ARAP3: variants seen among roughly 807,000 people sequenced by gnomAD.
ARAP3 encodes the protein ArfGAP with RhoGAP domain, ankyrin repeat and PH domain 3.
A neutral mutation model predicts 169.2 loss-of-function variants in ARAP3; 82 were observed. That is an observed-to-expected ratio of 0.48 (90% CI 0.41 to 0.58). ARAP3 has a LOEUF of 0.58. Ranked by LOEUF, ARAP3 falls within the 20% of genes least tolerant of loss-of-function variation. The pLI is 0.00. For synonymous variants in ARAP3, 791 were observed against 800.3 expected (o/e 0.99, Z 0.20); for missense variants, 1,764 against 2,018.0 (o/e 0.87, Z 2.41).
chr5:141,667,899 G>A (rs111636978), intron 16 of ARAP3, among the ~76,000 whole-genome samples: 24,479 of 150,944 alleles, frequency 0.16, 2,122 homozygotes, highest in Admixed American at 0.27. Flanking sequence ...AAAATTAGCC[G>A]GGCGAGGTCA....
At position 141,655,928 on chromosome 5, in the gene ARAP3, A is replaced by G. The variant is rs765829020; in HGVS notation, c.3913T>C (p.Leu1305=). The G allele has an allele frequency of 6.2e-7, 1 of 1,614,022 alleles. No individual in the cohort carries two copies. The highest frequency in any genetic ancestry group is 1.1e-5 in the South Asian group (1 of 91,086). Residue 1305 remains leucine (L), a synonymous_variant, in exon 30 of 33, where the codon TTG becomes CTG. Transcript: ENST00000239440. The part of the protein sequence containing the change: ...TLILEKMHLY[L]SCTDEDEMWD... ...ATTTCATCCTCGTCAGTGCAGGACA[A>G]GTAGCTGGGGTGATCAGAATGGAAT...
chr5:141,679,283 C>T (rs778241707), intron 4 of ARAP3, among the ~76,000 whole-genome samples: 11 of 152,054 alleles, frequency 7.2e-5, no homozygotes, highest in Non-Finnish European at 1.6e-4. Context: ...GGCAAGACTC[C>T]GTCTCAAAAA....
rs1029148823 is a variant in ARAP3 at position 141,666,682 on chromosome 5, G to A, written c.2353-39C>T. Reference sequence around the variant, plus strand: ...GGGAGGACAGGAGAAAGGGGGATGGGGGAAGAGACAAGGAATAGGGGAGAG... The same window carrying A: ...GGGAGGACAGGAGAAAGGGGGATGGAGGAAGAGACAAGGAATAGGGGAGAG... On this transcript the variant is annotated intron_variant, in intron 16 of 32. Coordinates refer to ENST00000239440, the MANE Select transcript of ARAP3 (RefSeq NM_022481.6). 4.4e-6 allele frequency: 5 copies of A among 1,133,456 alleles called. No individual in the cohort carries two copies. In the African/African-American group the frequency reaches 6.4e-5, roughly 15 times the overall value. 70.2% of individuals were successfully genotyped at this position (1,133,456 alleles called of 1,614,324 possible). A position where few individuals can be genotyped will look rare whatever the true frequency, so the allele number is the denominator to read the frequency against.
At position 141,680,260 on chromosome 5, in the gene ARAP3, T is replaced by A; in HGVS notation, c.227A>T (p.Asp76Val). 1.9e-6 allele frequency: 3 copies of A among 1,614,168 alleles called. 1 individual carries two copies. The highest frequency in any genetic ancestry group is 4.5e-5 in the East Asian group (2 of 44,874). ...GCTGGGGGATGGTTCCATGGCACTA[T>A]CTGATTTGGGATCCAGGGAGCCCTC... ...TEEGSLDPKS[D>V]SAMEPSPSPA... The change falls in exon 2 of 33, where the codon GAT (aspartate) becomes GTT (valine). Residue 76 changes from aspartate to valine, a missense_variant. Asp to Val is a radical substitution (Grantham distance 152). Coordinates refer to ENST00000239440, the MANE Select transcript of ARAP3 (RefSeq NM_022481.6).
intron 17 of ARAP3, 148 bp from the exon 18 acceptor site, chr5:141,665,522 C>A: frequency 1.3e-6 from 1 of 755,650 alleles, no homozygotes; most frequent in East Asian, 2.7e-5. Flanking sequence ...ACTATTATTC[C>A]CATTTTATAG....
intron 4 of ARAP3, among the ~76,000 whole-genome samples, chr5:141,674,804 A>C (rs927637140): frequency 6.6e-6 from 1 of 152,190 alleles, no homozygotes; most frequent in Non-Finnish European, 1.5e-5. Context: ...CCCTGGACCA[A>C]GGACCAAGTT....
intron 2 of ARAP3, 33 bp from the exon 3 acceptor site, chr5:141,679,855 G>C: frequency 6.2e-7 from 1 of 1,610,640 alleles, no homozygotes; most frequent in Non-Finnish European, 8.5e-7. Flanking sequence ...TACTTAAGGA[G>C]AGAGGAGGAA....
intron 32 of ARAP3, among the ~76,000 whole-genome samples, chr5:141,654,898 C>G (rs1004023723): frequency 1.3e-5 from 2 of 151,998 alleles, no homozygotes; most frequent in Non-Finnish European, 2.9e-5. Context: ...CACCACCACA[C>G]CTAGCTAATT....
At chr5:141,658,716 A>C in intron 23 of ARAP3, 63 bp from the exon 24 acceptor site, 1 of 1,428,566 alleles carries the variant, frequency 7.0e-7, no homozygotes, top group East Asian at 2.4e-5. Context: ...TCAAAGTCAG[A>C]GGGTTCCTCG....
Position 141,670,493 on chromosome 5 carries a change from T to A in ARAP3, c.2107+19A>T, listed in dbSNP as rs1248461963. 1 of 1,607,694 alleles carries A rather than the reference T, an allele frequency of 6.2e-7. No homozygotes were observed. Among genetic ancestry groups the A allele is most frequent in the Non-Finnish European group, 8.5e-7 (1 of 1,174,356 alleles). On this transcript the variant is annotated intron_variant, in intron 14 of 32. Coordinates refer to ENST00000239440, the MANE Select transcript of ARAP3 (RefSeq NM_022481.6). ...CACTTTCTGTCCCTGTATCCTCCCA[T>A]CCCTTGGCTCCCCCTCACCATCCCG...
chr5:141,668,061 A>G (rs1261569950), intron 16 of ARAP3, among the ~76,000 whole-genome samples: 14 of 151,938 alleles, frequency 9.2e-5, no homozygotes, highest in Non-Finnish European at 4.4e-5. Flanking sequence ...AATAATAATA[A>G]TAATAAAAAT....
rs750298816 is a variant in ARAP3 at position 141,658,381 on chromosome 5, G to A, written c.3510C>T (p.Arg1170=). The A allele has an allele frequency of 2.4e-5, 38 of 1,613,224 alleles. No individual in the cohort carries two copies. The highest frequency in any genetic ancestry group is 6.7e-5 in the East Asian group (3 of 44,880). Residue 1170 remains arginine (R), a synonymous_variant, in exon 25 of 33, where the codon CGC becomes CGT. Transcript: ENST00000239440. ...CATACTCACCCAGCTCCCCATGCTC[G>A]CGAATCTCAAAAGTCACCCACAAGT... ...GMDLWVTFEI[R]EHGELERPLH...
intron 21 of ARAP3, among the ~76,000 whole-genome samples, chr5:141,660,130 G>A (rs1028360777): frequency 5.9e-5 from 9 of 152,196 alleles, no homozygotes; most frequent in Admixed American, 6.5e-5. Context: ...GACATTTTAG[G>A]CTTGCAGGAC....
intron 4 of ARAP3, 151 bp from the exon 5 acceptor site, chr5:141,673,959 C>CTTTTTTTTTTTTTTTTTTTTTTTT (rs10712701): frequency 2.7e-5 from 10 of 364,818 alleles, no homozygotes; most frequent in East Asian, 5.1e-5. Context: ...TTCTTTTCTT[C>CTTTTTTTTTTTTTTTTTTTTTTTT]TTTTTTTTTT....
Position 141,679,619 on chromosome 5 carries a change from G to T in ARAP3, c.624C>A (p.Val208=). ...IMDPGCLYYG[V]QPVGTPGAPD... is the part of the protein sequence containing the mutation. The stretch of plus-strand genomic sequence containing the variant: ...GGGCTCCTGGAGTCCCCACAGGTTG[G>T]ACACCATAGTACAGGCAACCAGGAT... Residue 208 remains valine (V), a synonymous_variant, in exon 4 of 33, where the codon GTC becomes GTA. Transcript: ENST00000239440. 6.2e-7 allele frequency: 1 copy of T among 1,614,092 alleles called. No individual in the cohort carries two copies. The highest frequency in any genetic ancestry group is 1.1e-5 in the South Asian group (1 of 91,072).
At chr5:141,656,924 C>A in intron 25 of ARAP3, 78 bp from the exon 26 acceptor site, 1 of 1,513,792 alleles carries the variant, frequency 6.6e-7, no homozygotes, top group Non-Finnish European at 8.9e-7. Context: ...GTCATTCATT[C>A]ATCCATTCAA....
chr5:141,672,918 C>A lies in ARAP3; in HGVS notation c.1101G>T (p.Arg367=). 6.2e-7 allele frequency: 1 copy of A among 1,610,832 alleles called. No homozygotes were observed. The highest frequency in any genetic ancestry group is 8.5e-7 in the Non-Finnish European group (1 of 1,178,460). ...FVFRTESEAQ[R]DMWCSTLQSC... is the part of the protein sequence containing the mutation. Reference sequence around the variant, plus strand: ...ACTGCAGCGTGGAGCACCACATGTCCCGCTGAGCTGGTGGGGATGGAGAAG... The same window carrying A: ...ACTGCAGCGTGGAGCACCACATGTCACGCTGAGCTGGTGGGGATGGAGAAG... Residue 367 remains arginine (R), a synonymous_variant, in exon 8 of 33, where the codon CGG becomes CGT. Transcript: ENST00000239440. This position sits in a 1 kb window ranked among gnomAD's most constrained non-coding sequence, Gnocchi z 4.9.
chr5:141,659,798 C>T lies in ARAP3; in HGVS notation c.3248G>A (p.Gly1083Asp). 1 of 1,612,542 alleles carries T rather than the reference C, an allele frequency of 6.2e-7. No individual in the cohort carries two copies. Among genetic ancestry groups the T allele is most frequent in the South Asian group, 1.1e-5 (1 of 90,750 alleles). Residue 1083 changes from glycine to aspartate, a missense_variant, in exon 22 of 33, where the codon GGC becomes GAC. Coordinates refer to ENST00000239440, the MANE Select transcript of ARAP3 (RefSeq NM_022481.6). Reference protein sequence around the residue: ...EVRVLQELIDGYISVFDIDSD... With the variant: ...EVRVLQELIDDYISVFDIDSD... The stretch of plus-strand genomic sequence containing the variant: ...CCTTACATCAAAGACAGAGATGTAG[C>T]CATCAATGAGCTCTTGCAGCACTCG...
At chr5:141,673,855 CG>C (rs1336264170) in intron 4 of ARAP3, 47 bp from the exon 5 acceptor site, 3 of 1,581,868 alleles carry the variant, frequency 1.9e-6, no homozygotes, top group Non-Finnish European at 1.7e-6. Context: ...ACAAGTACCC[CG>C]GACACCCTCT....
Sources: gnomAD v4.1 joint callset for allele counts (sites outside exome capture counted in the v4.1 genomes callset) on GRCh38, gnomAD v4.1.1 for gene constraint, Gnocchi (gnomAD v3.1) non-coding constraint, MANE v1.5 for transcripts, NCBI Gene and HGNC (gene_info 2026-07-23, HGNC 2026-07-21) for gene names.